PTPRM: variants seen among roughly 807,000 people sequenced by gnomAD.
PTPRM encodes the protein protein tyrosine phosphatase receptor type M, also known as receptor-type tyrosine-protein phosphatase mu.
A neutral mutation model predicts 186.7 loss-of-function variants in PTPRM; 47 were observed. The ratio of observed to expected loss-of-function variants is 0.25; its 90% CI spans 0.20 to 0.32. The LOEUF is 0.32. PTPRM is among the 10% of genes least tolerant of loss of function. PTPRM has a pLI of 1.00. For synonymous variants in PTPRM, 668 were observed against 674.9 expected (o/e 0.99, Z 0.16); for missense variants, 1,494 against 1,865.0 (o/e 0.80, Z 3.66).
At chr18:8,156,472 T>C (rs989708351) in intron 14 of PTPRM, among the ~76,000 whole-genome samples, 1 of 152,234 alleles carries the variant, frequency 6.6e-6, no homozygotes. Context: ...TGATAATGTG[T>C]ACTGCATAGG....
intron 17 of PTPRM, 95 bp from the exon 18 acceptor site, chr18:8,252,393 T>G: frequency 9.5e-7 from 1 of 1,053,464 alleles, no homozygotes; most frequent in Non-Finnish European, 1.5e-6. Context: ...AAGCATAAAA[T>G]AAAAACTACC....
chr18:7,574,674 T>C (rs866119112), intron 1 of PTPRM, among the ~76,000 whole-genome samples: 28 of 152,222 alleles, frequency 1.8e-4, no homozygotes, highest in African/African-American at 6.8e-4. Flanking sequence ...AGATTTGGAA[T>C]TGTAATGTGG....
chr18:8,015,463 A>G (rs1376807437), intron 7 of PTPRM, among the ~76,000 whole-genome samples: 3 of 152,206 alleles, frequency 2.0e-5, no homozygotes, highest in Non-Finnish European at 2.9e-5. Flanking sequence ...AATATGAAAC[A>G]TAGCTTCAAA....
At chr18:8,336,811 C>T (rs1193748757) in intron 22 of PTPRM, among the ~76,000 whole-genome samples, 1 of 151,758 alleles carries the variant, frequency 6.6e-6, no homozygotes, top group African/African-American at 2.4e-5. Context: ...GCTAAAAATA[C>T]AAAAATTATA....
intron 1 of PTPRM, among the ~76,000 whole-genome samples, chr18:7,771,096 C>T (rs1334976956): frequency 6.6e-6 from 1 of 152,182 alleles, no homozygotes; most frequent in Non-Finnish European, 1.5e-5. Flanking sequence ...GCCACACGTG[C>T]ATGCTTTTGC....
At chr18:7,886,676 A>T (rs911781932) in intron 2 of PTPRM, among the ~76,000 whole-genome samples, 1 of 152,188 alleles carries the variant, frequency 6.6e-6, no homozygotes, top group African/African-American at 2.4e-5. Flanking sequence ...CCACTAACTC[A>T]TCCTAAAACC....
intron 1 of PTPRM, among the ~76,000 whole-genome samples, chr18:7,634,802 A>G (rs1050844892): frequency 6.6e-6 from 1 of 152,206 alleles, no homozygotes; most frequent in South Asian, 2.1e-4. Flanking sequence ...CCTTAAGTTC[A>G]TATTTCAAAT....
At chr18:8,010,843 G>A (rs2147863552) in intron 7 of PTPRM, among the ~76,000 whole-genome samples, 1 of 152,330 alleles carries the variant, frequency 6.6e-6, no homozygotes, top group African/African-American at 2.4e-5. Flanking sequence ...GGCTTATAGA[G>A]ATACAAAGAT....
chr18:7,655,114 C>G (rs1330717893), intron 1 of PTPRM, among the ~76,000 whole-genome samples: 1 of 152,152 alleles, frequency 6.6e-6, no homozygotes, highest in East Asian at 1.9e-4. Context: ...GTTCATGTCT[C>G]TGATTTCTTT....
At chr18:7,931,333 A>G (rs1013518509) in intron 5 of PTPRM, among the ~76,000 whole-genome samples, 11 of 150,466 alleles carry the variant, frequency 7.3e-5, no homozygotes, top group African/African-American at 2.4e-4. Context: ...ATGTGTGTGT[A>G]TATATATATA....
At chr18:7,777,575 G>C (rs946433732) in intron 2 of PTPRM, among the ~76,000 whole-genome samples, 1 of 152,148 alleles carries the variant, frequency 6.6e-6, no homozygotes, top group African/African-American at 2.4e-5. Flanking sequence ...TTTGGCATCA[G>C]CATGTAATTG....
At chr18:7,954,783 C>T (rs1468078560) in intron 6 of PTPRM, among the ~76,000 whole-genome samples, 5 of 152,154 alleles carry the variant, frequency 3.3e-5, no homozygotes, top group Non-Finnish European at 7.3e-5. Context: ...CACTTTAATG[C>T]ATTTTTGTCT....
intron 5 of PTPRM, among the ~76,000 whole-genome samples, chr18:7,937,901 A>T (rs2051927072): frequency 6.6e-6 from 1 of 151,910 alleles, no homozygotes; most frequent in Admixed American, 6.6e-5. Context: ...AGTGGGGCTT[A>T]CTCTGCATGG....
At chr18:7,758,535 A>G (rs1268170406) in intron 1 of PTPRM, among the ~76,000 whole-genome samples, 1 of 152,188 alleles carries the variant, frequency 6.6e-6, no homozygotes, top group Non-Finnish European at 1.5e-5. Flanking sequence ...TCTAGCAATT[A>G]ACAATTTGTC....
At chr18:8,154,628 C>T (rs918104985) in intron 14 of PTPRM, 2 of 152,152 alleles carry the variant, frequency 1.3e-5, no homozygotes, top group African/African-American at 4.8e-5. Context: ...ATTGTTTTGT[C>T]TTCTGAAGAA....
At chr18:8,252,943 A>G (rs1018429615) in intron 18 of PTPRM, among the ~76,000 whole-genome samples, 2 of 152,232 alleles carry the variant, frequency 1.3e-5, no homozygotes, top group Non-Finnish European at 2.9e-5. Flanking sequence ...AAACTTTCAC[A>G]AACTTTAGCA....
intron 14 of PTPRM, among the ~76,000 whole-genome samples, chr18:8,210,485 G>C (rs2093988442): frequency 6.6e-6 from 1 of 152,170 alleles, no homozygotes; most frequent in South Asian, 2.1e-4. Flanking sequence ...TCCCCTACAG[G>C]TTTCAGAGAG....
At chr18:7,982,153 A>G (rs918617291) in intron 7 of PTPRM, among the ~76,000 whole-genome samples, 12 of 152,300 alleles carry the variant, frequency 7.9e-5, no homozygotes, top group African/African-American at 2.9e-4. Flanking sequence ...AAACGTTTCA[A>G]TGCATTTTTC....
chr18:7,858,426 G>A (rs1206619177), intron 2 of PTPRM, among the ~76,000 whole-genome samples: 3 of 152,184 alleles, frequency 2.0e-5, no homozygotes, highest in Non-Finnish European at 4.4e-5. Context: ...CAGGCATCAT[G>A]GCTTGCCTTC....
Sources: allele counts gnomAD v4.1 joint callset (sites outside exome capture counted in the v4.1 genomes callset), GRCh38; gene constraint gnomAD v4.1.1; transcripts MANE v1.5; gene names NCBI Gene and HGNC (gene_info 2026-07-23, HGNC 2026-07-21).